PDCL2: variants seen among roughly 807,000 people sequenced by gnomAD.
The protein encoded by PDCL2 is phosducin-like protein 2.
In PDCL2, 23 loss-of-function variants were observed where a neutral mutation model predicts 30.3. The ratio of observed to expected loss-of-function variants is 0.76; its 90% CI spans 0.55 to 1.08. The LOEUF (loss-of-function observed/expected upper bound fraction) is 1.08, where lower values mean the gene tolerates loss of function less well. PDCL2 is among the 50% of genes least tolerant of loss of function. The pLI, the probability that PDCL2 is intolerant of heterozygous loss-of-function variation, is 0.00. For synonymous variants in PDCL2, 68 were observed against 86.2 expected (o/e 0.79, Z 1.17); for missense variants, 243 against 282.3 (o/e 0.86, Z 1.00).
At chr4:55,586,839 C>T (rs1459880919) in intron 1 of PDCL2, among the ~76,000 whole-genome samples, 1 of 152,036 alleles carries the variant, frequency 6.6e-6, no homozygotes. Flanking sequence ...TTTGTTATTG[C>T]CCATCTTTTC....
chr4:55,591,673 T>C (rs1733005878), intron 1 of PDCL2, among the ~76,000 whole-genome samples: 1 of 152,148 alleles, frequency 6.6e-6, no homozygotes, highest in African/African-American at 2.4e-5. Flanking sequence ...TGAGGTGAGG[T>C]GCAAGAAACT....
intron 1 of PDCL2, among the ~76,000 whole-genome samples, chr4:55,584,139 C>T (rs12647592): frequency 0.12 from 17,674 of 152,036 alleles, 1,402 homozygotes; most frequent in East Asian, 0.3. Flanking sequence ...TAAATTTATT[C>T]CTAAGTATTT....
At chr4:55,585,545 C>CAG (rs1732837216) in intron 1 of PDCL2, among the ~76,000 whole-genome samples, 1 of 131,222 alleles carries the variant, frequency 7.6e-6, no homozygotes, top group Non-Finnish European at 1.7e-5. Context: ...CACACACAGA[C>CAG]ACACACACAC....
intron 1 of PDCL2, among the ~76,000 whole-genome samples, chr4:55,586,659 G>T (rs1462152751): frequency 6.6e-6 from 1 of 152,108 alleles, no homozygotes. Context: ...ATCTGTTTAA[G>T]TCCTTACTTT....
intron 1 of PDCL2, among the ~76,000 whole-genome samples, chr4:55,587,561 TA>T (rs1452223875): frequency 6.6e-6 from 1 of 151,996 alleles, no homozygotes; most frequent in African/African-American, 2.4e-5. Flanking sequence ...CTGTTTTTTT[TA>T]AATTTTTTTT....
chr4:55,560,432 G>A (rs1035710875), intron 5 of PDCL2, among the ~76,000 whole-genome samples: 9 of 152,036 alleles, frequency 5.9e-5, no homozygotes, highest in Admixed American at 4.6e-4. Context: ...AATAAAGTGA[G>A]ACCCCATCTC....
chr4:55,561,982 G>A (rs566819172), intron 5 of PDCL2, among the ~76,000 whole-genome samples: 1 of 152,272 alleles, frequency 6.6e-6, no homozygotes, highest in Admixed American at 6.5e-5. Context: ...ACAGACTCAT[G>A]AAGGAATAAA....
At chr4:55,582,328 T>C in intron 1 of PDCL2, 91 bp from the exon 2 acceptor site, 1 of 1,343,576 alleles carries the variant, frequency 7.4e-7, no homozygotes, top group Non-Finnish European at 1.0e-6. Context: ...CTTCCAAGTA[T>C]TCAATTGTTC....
chr4:55,575,691 A>G (rs1387168321), intron 3 of PDCL2, among the ~76,000 whole-genome samples: 1 of 152,234 alleles, frequency 6.6e-6, no homozygotes, highest in Non-Finnish European at 1.5e-5. Flanking sequence ...AAGTCATCAC[A>G]TACAAGGGAT....
chr4:55,586,844 C>A (rs1732875529), intron 1 of PDCL2, among the ~76,000 whole-genome samples: 1 of 152,084 alleles, frequency 6.6e-6, no homozygotes. Flanking sequence ...TATTGCCCAT[C>A]TTTTCTATCA....
Position 55,589,950 on chromosome 4 carries a change from G to A in PDCL2, c.6+2154C>T, listed in dbSNP as rs919903453. On this transcript the variant is annotated intron_variant, in intron 1 of 5. Coordinates refer to ENST00000295645, the MANE Select transcript of PDCL2 (RefSeq NM_152401.3). ...AGTGACTCATGCCTGTAATCCCAGC[G>A]CTTTGAGAGGCCAAAGCAGGCAGAT... Among the ~76,000 whole-genome samples the A allele has an allele frequency of 5.9e-5, 9 of 152,004 alleles. No homozygotes were observed. The South Asian group carries it at 1.0e-3, about 18-fold the overall frequency.
intron 4 of PDCL2, among the ~76,000 whole-genome samples, chr4:55,563,322 C>G (rs949652155): frequency 9.2e-5 from 14 of 152,212 alleles, no homozygotes; most frequent in Non-Finnish European, 1.6e-4. Flanking sequence ...GGTTATTCTG[C>G]TTCCCTCTTT....
intron 5 of PDCL2, among the ~76,000 whole-genome samples, chr4:55,559,308 A>G (rs892095158): frequency 1.3e-5 from 2 of 149,898 alleles, no homozygotes; most frequent in African/African-American, 2.4e-5. Flanking sequence ...CAATGGTCAC[A>G]GCAGAATTGT....
At chr4:55,566,501 G>C (rs6822553) in intron 4 of PDCL2, among the ~76,000 whole-genome samples, 110,459 of 146,268 alleles carry the variant, frequency 0.76, 42,074 homozygotes, top group East Asian at 0.9. Context: ...TGGCTCACTG[G>C]AACCTCCGCC....
chr4:55,590,459 C>CAAAAA (rs60866606), intron 1 of PDCL2, among the ~76,000 whole-genome samples: 4 of 95,750 alleles, frequency 4.2e-5, no homozygotes, highest in African/African-American at 1.7e-4. Context: ...ATCCTGTCTC[C>CAAAAA]AAAAAAAAAA....
chr4:55,582,153 C>T lies in PDCL2; in HGVS notation c.91G>A (p.Glu31Lys), dbSNP rs752060259. 1 of 1,613,270 alleles carries T rather than the reference C, an allele frequency of 6.2e-7. No homozygotes were observed. The highest frequency in any genetic ancestry group is 1.1e-5 in the South Asian group (1 of 90,836). ...TTCTGTAAACGTAAAACCATTTCTT[C>T]AATTTCATCTTTTGACTCTTCTTTA... Reference protein sequence around the residue: ...PPKEESKDEIEEMVLRLQKEA... With the variant: ...PPKEESKDEIKEMVLRLQKEA... The change falls in exon 2 of 6, where the codon GAA becomes AAA. Residue 31 changes from glutamate to lysine, a missense_variant. Transcript: ENST00000295645.
At chr4:55,564,086 C>G (rs1189145812) in intron 4 of PDCL2, among the ~76,000 whole-genome samples, 1 of 152,140 alleles carries the variant, frequency 6.6e-6, no homozygotes, top group Non-Finnish European at 1.5e-5. Flanking sequence ...CAAAATATGT[C>G]AAGAAAGTAT....
At chr4:55,587,587 C>A (rs1732896864) in intron 1 of PDCL2, among the ~76,000 whole-genome samples, 1 of 149,056 alleles carries the variant, frequency 6.7e-6, no homozygotes, top group Admixed American at 6.8e-5. Context: ...GAGATGAAGT[C>A]TCAGTCTATT....
At chr4:55,571,972 A>G in intron 3 of PDCL2, among the ~76,000 whole-genome samples, 1 of 152,006 alleles carries the variant, frequency 6.6e-6, no homozygotes, top group Non-Finnish European at 1.5e-5. Flanking sequence ...TACTGGCTTA[A>G]TATCATTCAG....
Sources: allele counts gnomAD v4.1 joint callset (sites outside exome capture counted in the v4.1 genomes callset), GRCh38; gene constraint gnomAD v4.1.1; transcripts MANE v1.5; gene names NCBI Gene and HGNC (gene_info 2026-07-23, HGNC 2026-07-21).